SLC25A13: variants seen among roughly 807,000 people sequenced by gnomAD.
SLC25A13 encodes electrogenic aspartate/glutamate antiporter SLC25A13, mitochondrial.
Under a neutral mutation model 85.5 loss-of-function variants are expected in SLC25A13, and 70 were observed. That is an observed-to-expected ratio of 0.82 (90% CI 0.68 to 1.00). SLC25A13 has a LOEUF of 1.00. Among genes scored for constraint, SLC25A13 ranks in the 50% least tolerant of loss-of-function variants. The probability of loss-of-function intolerance (pLI) is 0.00; values close to 1 mark genes in which losing one functional copy is unlikely to be tolerated. For missense variants in SLC25A13, 765 were observed against 819.8 expected (o/e 0.93, Z 0.82); for synonymous variants, 259 against 288.7 (o/e 0.90, Z 1.04).
intron 4 of SLC25A13, among the ~76,000 whole-genome samples, chr7:96,218,321 T>C (rs1000327294): frequency 1.3e-5 from 2 of 152,200 alleles, no homozygotes; most frequent in African/African-American, 4.8e-5. Context: ...TTTTCTATTA[T>C]GTTTCTTAAA....
chr7:96,241,735 T>C (rs1286088456), intron 3 of SLC25A13, among the ~76,000 whole-genome samples: 1 of 151,996 alleles, frequency 6.6e-6, no homozygotes, highest in Non-Finnish European at 1.5e-5. Context: ...AAAATAAAAA[T>C]TCATATGAAA....
At chr7:96,306,686 C>G in intron 1 of SLC25A13, 2 of 774,366 alleles carry the variant, frequency 2.6e-6, no homozygotes, top group South Asian at 3.6e-5. Flanking sequence ...GATGGGAGTA[C>G]AGCAGCCAAA....
At chr7:96,186,028 C>T (rs1465463156) in intron 9 of SLC25A13, among the ~76,000 whole-genome samples, 1 of 152,170 alleles carries the variant, frequency 6.6e-6, no homozygotes, top group African/African-American at 2.4e-5. Context: ...CAATACCCAG[C>T]CTGGCAAAAG....
intron 4 of SLC25A13, among the ~76,000 whole-genome samples, chr7:96,225,164 A>G (rs1287473453): frequency 6.6e-6 from 1 of 152,242 alleles, no homozygotes; most frequent in African/African-American, 2.4e-5. Flanking sequence ...GAACAAGACC[A>G]GTAGCTACCA....
rs955270447 is a variant in SLC25A13, at chr7:96,322,020, G to A, written c.-64C>T. ...CTGGCTGGCTGGCGTTTGGGACCCG[G>A]GCGGCTCACTTCTAGTCCCGGCGGC... On this transcript the variant is annotated 5_prime_UTR_variant, in exon 1 of 18. Transcript: ENST00000265631. 2.6e-6 allele frequency: 4 copies of A among 1,529,660 alleles called. No individual in the cohort carries two copies. The highest frequency in any genetic ancestry group is 3.5e-6 in the Non-Finnish European group (4 of 1,138,474). The allele number at this position is 1,529,660 out of a possible 1,614,324, so 94.8% of individuals were successfully genotyped here. A position where few individuals can be genotyped will look rare whatever the true frequency, so the allele number is the denominator to read the frequency against.
chr7:96,261,966 G>A (rs1303550451), intron 3 of SLC25A13, among the ~76,000 whole-genome samples: 1 of 152,074 alleles, frequency 6.6e-6, no homozygotes, highest in South Asian at 2.1e-4. Context: ...ACATGCCTGC[G>A]ATAAAAGCAT....
intron 1 of SLC25A13, among the ~76,000 whole-genome samples, chr7:96,315,273 G>A (rs537195676): frequency 1.1e-4 from 16 of 152,214 alleles, no homozygotes; most frequent in African/African-American, 3.6e-4. Flanking sequence ...CTCCAAGAAG[G>A]AGCCAGCAGG....
At chr7:96,319,243 C>T (rs1391502370) in intron 1 of SLC25A13, among the ~76,000 whole-genome samples, 1 of 152,178 alleles carries the variant, frequency 6.6e-6, no homozygotes, top group Admixed American at 6.5e-5. Context: ...GCCGTTCACT[C>T]ACAGCATATA....
intron 5 of SLC25A13, 71 bp from the exon 6 acceptor site, chr7:96,193,254 T>C (rs1794930875): frequency 6.4e-7 from 1 of 1,565,342 alleles, no homozygotes. Context: ...GACAGTTCAT[T>C]TTAAAATCAG....
At chr7:96,166,898 G>C (rs1032687167) in intron 13 of SLC25A13, 2 of 152,058 alleles carry the variant, frequency 1.3e-5, no homozygotes, top group Non-Finnish European at 2.9e-5. Context: ...GAAAAAAACA[G>C]AAGGTATACA....
chr7:96,127,976 GCA>G (rs1277647224), intron 15 of SLC25A13, among the ~76,000 whole-genome samples: 2 of 152,122 alleles, frequency 1.3e-5, no homozygotes, highest in African/African-American at 4.8e-5. Flanking sequence ...CAGGATTAGT[GCA>G]CATTTGTGCT....
At chr7:96,197,470 T>C (rs1795105911) in intron 5 of SLC25A13, among the ~76,000 whole-genome samples, 1 of 151,992 alleles carries the variant, frequency 6.6e-6, no homozygotes, top group Admixed American at 6.6e-5. Context: ...GAGGAAAAAA[T>C]TAAATCAGGA....
At chr7:96,246,523 T>G (rs1290060216) in intron 3 of SLC25A13, among the ~76,000 whole-genome samples, 1 of 152,208 alleles carries the variant, frequency 6.6e-6, no homozygotes, top group Admixed American at 6.5e-5. Flanking sequence ...CGTTGATCAA[T>G]TCCTAGTTTG....
intron 3 of SLC25A13, among the ~76,000 whole-genome samples, chr7:96,235,942 T>G (rs146287832): frequency 1.1e-4 from 17 of 152,294 alleles, no homozygotes; most frequent in African/African-American, 4.1e-4. Flanking sequence ...AACTGCTATT[T>G]TAAGTATCCA....
At chr7:96,122,562 G>A (rs73401077) in intron 15 of SLC25A13, among the ~76,000 whole-genome samples, 5 of 152,102 alleles carry the variant, frequency 3.3e-5, no homozygotes, top group African/African-American at 7.2e-5. Flanking sequence ...ATGTGTGTTG[G>A]GGGGTGGGAG....
At chr7:96,314,927 C>G (rs990370456) in intron 1 of SLC25A13, among the ~76,000 whole-genome samples, 3 of 152,166 alleles carry the variant, frequency 2.0e-5, no homozygotes, top group Admixed American at 6.5e-5. Context: ...ACACTGGCAC[C>G]ACATGGCCCT....
chr7:96,151,255 T>C (rs1486256973), intron 13 of SLC25A13, among the ~76,000 whole-genome samples: 1 of 152,226 alleles, frequency 6.6e-6, no homozygotes, highest in Non-Finnish European at 1.5e-5. Context: ...TAGCATTTAT[T>C]GAGGCTCCTC....
At chr7:96,263,041 A>G (rs866418509) in intron 3 of SLC25A13, among the ~76,000 whole-genome samples, 1 of 151,696 alleles carries the variant, frequency 6.6e-6, no homozygotes, top group Non-Finnish European at 1.5e-5. Context: ...AAAAAAAAAA[A>G]AAAACAGCAG....
intron 13 of SLC25A13, among the ~76,000 whole-genome samples, chr7:96,166,577 C>T (rs1028303312): frequency 1.4e-4 from 21 of 152,122 alleles, no homozygotes; most frequent in African/African-American, 4.6e-4. Flanking sequence ...CTCAAGATTT[C>T]AACCTAGATG....
Sources: gnomAD v4.1 joint callset for allele counts (sites outside exome capture counted in the v4.1 genomes callset) on GRCh38, gnomAD v4.1.1 for gene constraint, MANE v1.5 for transcripts, NCBI Gene and HGNC (gene_info 2026-07-23, HGNC 2026-07-21) for gene names.